Variants in SLC16A9 observed in about 807,000 individuals in gnomAD.
SLC16A9 encodes the protein solute carrier family 16 member 9, also known as monocarboxylate transporter 9.
Under a neutral mutation model 44.3 loss-of-function variants are expected in SLC16A9, and 26 were observed. The ratio of observed to expected loss-of-function variants is 0.59; its 90% confidence interval spans 0.43 to 0.81. The LOEUF (loss-of-function observed/expected upper bound fraction) is 0.81. Ranked by LOEUF, SLC16A9 falls within the 40% of genes least tolerant of loss-of-function variation. The pLI is 0.00. For synonymous variants in SLC16A9, 230 were observed against 225.1 expected, an observed-to-expected ratio of 1.02 and a Z score of -0.19; for missense variants, 559 against 595.8, an observed-to-expected ratio of 0.94 and a Z score of 0.64.
intron 1 of SLC16A9, among the ~76,000 whole-genome samples, chr10:59,694,872 T>C (rs1840338902): frequency 7.0e-6 from 1 of 143,304 alleles, no homozygotes; most frequent in East Asian, 2.0e-4. Context: ...TTATATGTGA[T>C]AAAAACTGAT....
intron 3 of SLC16A9, among the ~76,000 whole-genome samples, chr10:59,671,213 T>C (rs757592518): frequency 3.2e-4 from 49 of 152,270 alleles, no homozygotes; most frequent in Middle Eastern, 3.4e-3. Context: ...CAGAACCTAT[T>C]GCCAAATCAG....
chr10:59,705,703 A>G (rs539881678), intron 1 of SLC16A9, among the ~76,000 whole-genome samples: 27 of 152,232 alleles, frequency 1.8e-4, no homozygotes, highest in Non-Finnish European at 3.8e-4. Flanking sequence ...GAAGGATATT[A>G]GGAATACATT....
intron 1 of SLC16A9, among the ~76,000 whole-genome samples, chr10:59,705,035 A>G (rs985006836): frequency 1.3e-5 from 2 of 152,196 alleles, no homozygotes; most frequent in African/African-American, 4.8e-5. Context: ...ATTGGTAATC[A>G]ACATTCTTCC....
intron 1 of SLC16A9, among the ~76,000 whole-genome samples, chr10:59,685,977 CTTT>C (rs11313249): frequency 4.3e-5 from 6 of 140,948 alleles, no homozygotes; most frequent in Admixed American, 7.1e-5. Context: ...GCATTTCTTT[CTTT>C]TTTTTTTTTT....
At chr10:59,670,743 C>CT (rs1025952363) in intron 3 of SLC16A9, among the ~76,000 whole-genome samples, 33 of 151,390 alleles carry the variant, frequency 2.2e-4, no homozygotes, top group East Asian at 1.4e-3. Context: ...TTTCCTGTCA[C>CT]TTTTTTTTTC....
At chr10:59,700,407 C>G (rs1163341665) in intron 1 of SLC16A9, among the ~76,000 whole-genome samples, 1 of 152,180 alleles carries the variant, frequency 6.6e-6, no homozygotes, top group South Asian at 2.1e-4. Flanking sequence ...TCAGAGACCC[C>G]TTCCTTATCC....
rs879392546 is a variant in SLC16A9, at chr10:59,654,116, T to C, written c.910A>G (p.Lys304Glu). 1 of 1,614,138 alleles carries C rather than the reference T, an allele frequency of 6.2e-7. No homozygotes were observed. The change falls in exon 5 of 6, where the codon AAA (lysine) becomes GAA (glutamate). Residue 304 changes from lysine to glutamate, a missense_variant. Transcript: ENST00000395348. ...GCAATGAAAAGGGCTGAAAATACTT[T>C]GTTTTTAAAAAGAGCCACAGTTTCA... is the stretch of plus-strand genomic sequence containing the variant. ...CGETVALFKN[K>E]VFSALFIAIL...
At chr10:59,686,812 T>A (rs1467078448) in intron 1 of SLC16A9, among the ~76,000 whole-genome samples, 2 of 152,224 alleles carry the variant, frequency 1.3e-5, no homozygotes, top group Non-Finnish European at 2.9e-5. Context: ...ATGGTAGATT[T>A]ATTGGCTGTC....
In SLC16A9 at chr10:59,664,268, A is replaced by T. The variant is rs1227735349; in HGVS notation, c.395T>A (p.Phe132Tyr). ...TATVTITCQYFDDRRGLALGL... is the reference protein window; with the variant it reads ...TATVTITCQYYDDRRGLALGL... ...AAGCGCTAGGCCTCGGCGATCGTCA[A>T]AATACTGGCACGTAATGGTCACTGT... The change falls in exon 4 of 6, where the codon TTT becomes TAT. Residue 132 changes from phenylalanine to tyrosine, a missense_variant. By Grantham distance (22) the Phe-to-Tyr change is conservative. Transcript: ENST00000395348. 5 of 1,612,790 alleles carry T rather than the reference A, an allele frequency of 3.1e-6. No homozygotes were observed. The highest frequency in any genetic ancestry group is 4.2e-6 in the Non-Finnish European group (5 of 1,179,220).
Position 59,654,181 on chromosome 10 carries a change from A to G in SLC16A9, c.845T>C (p.Leu282Pro), listed in dbSNP as rs1839290652. ...VAEQTYFCKQ[L>P]AKRKWQLYKN... Reference sequence around the variant, plus strand: ...ATATAACTGCCACTTCCTCTTGGCAAGCTGTTTGCAAAAATATGTCTGTTC... The same window carrying G: ...ATATAACTGCCACTTCCTCTTGGCAGGCTGTTTGCAAAAATATGTCTGTTC... Residue 282 changes from leucine (L) to proline (P), a missense_variant, in exon 5 of 6, where the codon CTT becomes CCT. By Grantham distance (98) the Leu-to-Pro change is moderately conservative. Coordinates refer to ENST00000395348, the MANE Select transcript of SLC16A9 (RefSeq NM_194298.3). 3 of 1,614,068 alleles carry G rather than the reference A, an allele frequency of 1.9e-6. No individual in the cohort carries two copies. Among genetic ancestry groups the G allele is most frequent in the Non-Finnish European group, 2.5e-6 (3 of 1,179,998 alleles).
chr10:59,669,507 CA>C (rs1814042330), intron 3 of SLC16A9, among the ~76,000 whole-genome samples: 1 of 152,136 alleles, frequency 6.6e-6, no homozygotes, highest in South Asian at 2.1e-4. Context: ...CATGATGCTA[CA>C]AAATCAGGTT....
chr10:59,668,292 G>A (rs962400736), intron 3 of SLC16A9, among the ~76,000 whole-genome samples: 1 of 152,034 alleles, frequency 6.6e-6, no homozygotes, highest in African/African-American at 2.4e-5. Flanking sequence ...TAACAAACAC[G>A]TATAAAAAGA....
rs947332003 is a variant in SLC16A9, at chr10:59,697,218, C to G, written c.-37+12261G>C. Among the ~76,000 whole-genome samples the G allele has an allele frequency of 7.2e-3, 1,091 of 151,590 alleles. 12 individuals carry two copies. The highest frequency in any genetic ancestry group is 0.025 in the African/African-American group (1,053 of 41,422). ...GGAGCCCCTCTGCCCGGCCACCACC[C>G]CGTCTGGGAGGTGTACTCAACAGCT... is the stretch of plus-strand genomic sequence containing the variant. On this transcript the variant is annotated intron_variant, in intron 1 of 5. Transcript: ENST00000395348.
At chr10:59,703,207 G>A (rs1840562554) in intron 1 of SLC16A9, among the ~76,000 whole-genome samples, 1 of 152,082 alleles carries the variant, frequency 6.6e-6, no homozygotes, top group Non-Finnish European at 1.5e-5. Flanking sequence ...CTGCAGCCTT[G>A]ACCTCCCAAG....
At position 59,664,310 on chromosome 10, in the gene SLC16A9, C is replaced by A; in HGVS notation, c.353G>T (p.Gly118Val). ...SYGIVVGLGC[G>V]LLYTATVTIT... ...GGTCACTGTTGCAGTGTATAATAAA[C>A]CACATCCAAGACCTAAGCATGAGAA... is the stretch of plus-strand genomic sequence containing the variant. Residue 118 changes from glycine to valine, a missense_variant, in exon 4 of 6, where the codon GGT becomes GTT. Transcript: ENST00000395348. The A allele has an allele frequency of 1.2e-6, 2 of 1,609,726 alleles. No homozygotes were observed. The highest frequency in any genetic ancestry group is 8.5e-7 in the Non-Finnish European group (1 of 1,177,426).
Position 59,653,936 on chromosome 10 carries a change from C to A in SLC16A9, c.1090G>T (p.Ala364Ser). The A allele has an allele frequency of 6.2e-7, 1 of 1,613,994 alleles. No homozygotes were observed. The highest frequency in any genetic ancestry group is 8.5e-7 in the Non-Finnish European group (1 of 1,180,020). ...AAGGTATTAATCCACTTGAAGTCAG[C>A]CAGTATCCCTAAAAGCAGTTTACCA... is the stretch of plus-strand genomic sequence containing the variant. ...AVGKLLLGIL[A>S]DFKWINTLYL... Residue 364 changes from alanine to serine, a missense_variant, in exon 5 of 6, where the codon GCT becomes TCT. Coordinates refer to ENST00000395348, the MANE Select transcript of SLC16A9 (RefSeq NM_194298.3).
At chr10:59,682,225 A>G (rs1840041109) in intron 2 of SLC16A9, among the ~76,000 whole-genome samples, 1 of 152,076 alleles carries the variant, frequency 6.6e-6, no homozygotes, top group Admixed American at 6.5e-5. Flanking sequence ...ATTTGTGACT[A>G]TGCAAGTTGC....
chr10:59,665,329 A>C (rs1186929282), intron 3 of SLC16A9, among the ~76,000 whole-genome samples: 1 of 152,220 alleles, frequency 6.6e-6, no homozygotes, highest in Non-Finnish European at 1.5e-5. Flanking sequence ...TATGTGAATT[A>C]TTAAGGCCAT....
intron 4 of SLC16A9, among the ~76,000 whole-genome samples, chr10:59,657,851 C>A (rs946456629): frequency 6.6e-6 from 1 of 152,154 alleles, no homozygotes; most frequent in African/African-American, 2.4e-5. Flanking sequence ...AGCTGATGGA[C>A]CCTCCCCTTG....
Sources: gnomAD v4.1 joint callset for allele counts (sites outside exome capture counted in the v4.1 genomes callset) on GRCh38, gnomAD v4.1.1 for gene constraint, MANE v1.5 for transcripts, NCBI Gene and HGNC (gene_info 2026-07-23, HGNC 2026-07-21) for gene names.